MAF: variants seen among roughly 807,000 people sequenced by gnomAD.
MAF encodes the protein transcription factor Maf.
A neutral mutation model predicts 22.0 loss-of-function variants in MAF; 10 were observed. That is an observed-to-expected ratio of 0.45 (90% CI 0.28 to 0.77). MAF has a LOEUF of 0.77. Ranked by LOEUF, MAF falls within the 30% of genes least tolerant of loss-of-function variation. MAF has a pLI of 0.12. For missense variants in MAF, 544 were observed against 548.4 expected (o/e 0.99, Z 0.08); for synonymous variants, 337 against 255.8 (o/e 1.32, Z -3.03).
chr16:79,451,794 G>C, the MAF span, among the ~76,000 whole-genome samples: 63 of 152,198 alleles, frequency 4.1e-4, no homozygotes, highest in Middle Eastern at 3.4e-3. Flanking sequence ...CAGAGTTCAA[G>C]GTCTATGCTT....
downstream of MAF, among the ~76,000 whole-genome samples, chr16:79,591,175 G>C (rs1913170304): frequency 6.6e-6 from 1 of 152,158 alleles, no homozygotes; most frequent in South Asian, 2.1e-4. Context: ...TGGAATCTCA[G>C]CTTGGAAACG....
At chr16:79,544,405 G>C in the MAF span, among the ~76,000 whole-genome samples, 1 of 152,098 alleles carries the variant, frequency 6.6e-6, no homozygotes, top group African/African-American at 2.4e-5. Flanking sequence ...CACTGATGTA[G>C]AGATGGAGGT....
the MAF span, among the ~76,000 whole-genome samples, chr16:79,484,271 T>C: frequency 1.3e-5 from 2 of 152,200 alleles, no homozygotes; most frequent in East Asian, 1.9e-4. Flanking sequence ...CAACTGGTGA[T>C]GACGAGGCTG....
the MAF span, among the ~76,000 whole-genome samples, chr16:79,376,683 C>A: frequency 5.9e-5 from 9 of 152,264 alleles, no homozygotes; most frequent in Admixed American, 4.6e-4. Context: ...TCTCCTCCCC[C>A]CACCCTACAA....
downstream of MAF, among the ~76,000 whole-genome samples, chr16:79,589,774 C>T (rs924885465): frequency 6.6e-6 from 1 of 152,218 alleles, no homozygotes; most frequent in Non-Finnish European, 1.5e-5. Flanking sequence ...CAAATTTGAA[C>T]ACAATCCGAG....
At chr16:79,518,451 A>C in the MAF span, among the ~76,000 whole-genome samples, 2 of 152,138 alleles carry the variant, frequency 1.3e-5, no homozygotes, top group East Asian at 3.9e-4. Context: ...AATCCTGAAA[A>C]CCACTGGTAG....
the MAF span, among the ~76,000 whole-genome samples, chr16:79,488,785 G>C: frequency 6.6e-6 from 1 of 152,006 alleles, no homozygotes; most frequent in Non-Finnish European, 1.5e-5. Flanking sequence ...CTTACCTCTC[G>C]TTCATCAACC....
the MAF span, among the ~76,000 whole-genome samples, chr16:79,372,288 G>C: frequency 3.3e-5 from 5 of 152,148 alleles, no homozygotes; most frequent in East Asian, 9.7e-4. Flanking sequence ...AAGCTTAAGA[G>C]CTGTAGGAAC....
the MAF span, among the ~76,000 whole-genome samples, chr16:79,498,869 T>C: frequency 6.6e-6 from 1 of 152,196 alleles, no homozygotes; most frequent in Admixed American, 6.5e-5. Context: ...AAACCTCTCC[T>C]CAGGTGTGGA....
the MAF span, among the ~76,000 whole-genome samples, chr16:79,420,860 G>T: frequency 6.6e-6 from 1 of 152,018 alleles, no homozygotes; most frequent in Admixed American, 6.6e-5. Context: ...AGAAACCCCT[G>T]CCGTCTCTAC....
the MAF span, among the ~76,000 whole-genome samples, chr16:79,220,406 A>C: frequency 6.6e-6 from 1 of 152,138 alleles, no homozygotes; most frequent in East Asian, 1.9e-4. Flanking sequence ...TGCATTAGAA[A>C]ATTTGCATGT....
the MAF span, among the ~76,000 whole-genome samples, chr16:79,559,629 A>C: frequency 6.7e-6 from 1 of 150,374 alleles, no homozygotes; most frequent in Admixed American, 6.6e-5. Context: ...AAATTACTAG[A>C]TGTTCATAAA....
the MAF span, among the ~76,000 whole-genome samples, chr16:79,525,456 T>G: frequency 6.6e-6 from 1 of 152,294 alleles, no homozygotes; most frequent in Non-Finnish European, 1.5e-5. Context: ...TTTTTCTAAT[T>G]CTTCTTCCAA....
At chr16:79,240,488 A>AAAAAAG in the MAF span, among the ~76,000 whole-genome samples, 1 of 39,254 alleles carries the variant, frequency 2.5e-5, no homozygotes, top group African/African-American at 4.3e-4. Context: ...GCATCTCTGG[A>AAAAAAG]AAAAAAAAAA....
At chr16:79,514,096 G>A in the MAF span, among the ~76,000 whole-genome samples, 1 of 152,056 alleles carries the variant, frequency 6.6e-6, no homozygotes, top group Admixed American at 6.5e-5. Context: ...ATGTTTAACA[G>A]TTGTTTTCAG....
At chr16:79,317,195 T>A in the MAF span, among the ~76,000 whole-genome samples, 3 of 142,154 alleles carry the variant, frequency 2.1e-5, no homozygotes, top group South Asian at 2.5e-4. Context: ...TCTCCCTCCT[T>A]CCTTCATCTG....
chr16:79,252,479 C>G, the MAF span, among the ~76,000 whole-genome samples: 1 of 152,058 alleles, frequency 6.6e-6, no homozygotes, highest in African/African-American at 2.4e-5. Flanking sequence ...TTGTCAGGAG[C>G]CTGGTTTCGA....
At chr16:79,221,759 ATG>A in the MAF span, among the ~76,000 whole-genome samples, 1 of 146,020 alleles carries the variant, frequency 6.8e-6, no homozygotes, top group Non-Finnish European at 1.6e-5. Context: ...TTGTGTGTGT[ATG>A]TGTGTGTGTG....
At chr16:79,314,855 C>T in the MAF span, among the ~76,000 whole-genome samples, 1 of 152,184 alleles carries the variant, frequency 6.6e-6, no homozygotes, top group Non-Finnish European at 1.5e-5. Flanking sequence ...CCCTGAGCCT[C>T]CTCAGGGAAA....
Sources: allele counts gnomAD v4.1 joint callset (sites outside exome capture counted in the v4.1 genomes callset), GRCh38; gene constraint gnomAD v4.1.1; transcripts MANE v1.5; gene names NCBI Gene and HGNC (gene_info 2026-07-23, HGNC 2026-07-21).